The following DUSP14 variants were observed in gnomAD, a reference collection of about 807,000 sequenced individuals.
DUSP14 encodes dual specificity protein phosphatase 14.
Under a neutral mutation model 13.2 loss-of-function variants are expected in DUSP14, and 5 were observed. The observed-to-expected ratio is 0.38, with a 90% CI of 0.20 to 0.80. DUSP14 has a LOEUF of 0.80. DUSP14 is among the 30% of genes least tolerant of loss of function. The pLI, the probability that DUSP14 is intolerant of heterozygous loss-of-function variation, is 0.44. For missense variants in DUSP14, 185 were observed against 264.0 expected, an observed-to-expected ratio of 0.70 and a Z score of 2.07; for synonymous variants, 91 against 103.4, an observed-to-expected ratio of 0.88 and a Z score of 0.73.
At chr17:37,503,771 C>T (rs999317291) in intron 1 of DUSP14, among the ~76,000 whole-genome samples, 6 of 152,120 alleles carry the variant, frequency 3.9e-5, no homozygotes, top group Non-Finnish European at 8.8e-5. Flanking sequence ...GAATTGATCA[C>T]GTGGAACTGA....
At chr17:37,489,865 G>A (rs992165153), upstream of DUSP14, 2 of 147,816 alleles carry the variant, frequency 1.4e-5, no homozygotes, top group East Asian at 4.0e-4. Flanking sequence ...GAGGGAGGAG[G>A]AGGCGGCGCG....
chr17:37,500,387 G>A (rs2054097400), intron 1 of DUSP14, among the ~76,000 whole-genome samples: 1 of 152,194 alleles, frequency 6.6e-6, no homozygotes, highest in African/African-American at 2.4e-5. Context: ...TGTTAGTCCT[G>A]TGAACTTTAT....
Position 37,512,977 on chromosome 17 carries a change from A to G in DUSP14, c.*108A>G. On this transcript the variant is annotated 3_prime_UTR_variant, in exon 3 of 3. Coordinates refer to ENST00000617516, the MANE Select transcript of DUSP14 (RefSeq NM_007026.4). This position sits in a 1 kb window ranked among gnomAD's most constrained non-coding sequence, Gnocchi z 4.8. ...ATGGCTGACTTCTGGTTCTCCCTCA[A>G]GTGTTTTTTACACTGGGTGTTCAAA... 1 of 973,102 alleles carries G rather than the reference A, an allele frequency of 1.0e-6. No individual in the cohort carries two copies. Among genetic ancestry groups the G allele is most frequent in the Non-Finnish European group, 1.6e-6 (1 of 643,684 alleles). 60.3% of individuals were successfully genotyped at this position (973,102 alleles called of 1,614,324 possible).
intron 1 of DUSP14, among the ~76,000 whole-genome samples, chr17:37,499,265 C>G (rs4794754): frequency 6.6e-6 from 1 of 152,044 alleles, no homozygotes; most frequent in Non-Finnish European, 1.5e-5. Flanking sequence ...ATGGGAATTA[C>G]AATTCAAGGT....
chr17:37,489,649 G>T (rs1234120401), upstream of DUSP14, among the ~76,000 whole-genome samples: 2 of 151,966 alleles, frequency 1.3e-5, no homozygotes, highest in African/African-American at 2.4e-5. Flanking sequence ...GAGACCAGGG[G>T]ACCTGCACGG....
chr17:37,488,749 G>A (rs2054005672), upstream of DUSP14, among the ~76,000 whole-genome samples: 1 of 152,144 alleles, frequency 6.6e-6, no homozygotes, highest in Non-Finnish European at 1.5e-5. Context: ...AGCACGCACC[G>A]GATGACTCTG....
intron 2 of DUSP14, among the ~76,000 whole-genome samples, chr17:37,511,103 C>T (rs898254165): frequency 1.3e-5 from 2 of 151,986 alleles, no homozygotes; most frequent in East Asian, 1.9e-4. Context: ...TGGGCTTCAT[C>T]GTGGAGCTCA....
upstream of DUSP14, among the ~76,000 whole-genome samples, chr17:37,488,955 G>A (rs2054006675): frequency 6.6e-6 from 1 of 152,158 alleles, no homozygotes. Context: ...AGCAGGGGCT[G>A]GTGAGTCAAG....
chr17:37,490,223 C>T (rs952189892), intron 1 of DUSP14, among the ~76,000 whole-genome samples: 3 of 151,728 alleles, frequency 2.0e-5, no homozygotes, highest in Non-Finnish European at 2.9e-5. Context: ...GCTCCCCCGC[C>T]GCGCCGCGCC....
At chr17:37,507,447 G>C (rs577270069) in intron 1 of DUSP14, among the ~76,000 whole-genome samples, 17 of 152,224 alleles carry the variant, frequency 1.1e-4, no homozygotes, top group Non-Finnish European at 2.2e-4. Context: ...AGGAAGGCAA[G>C]TGGCTTCCCA....
chr17:37,503,845 A>C (rs1281064836), intron 1 of DUSP14, among the ~76,000 whole-genome samples: 1 of 152,046 alleles, frequency 6.6e-6, no homozygotes, highest in Non-Finnish European at 1.5e-5. Flanking sequence ...TATCTAGTGT[A>C]CTGCCCCTCT....
chr17:37,512,226 ACT>A lies in DUSP14; in HGVS notation c.-44_-43del, dbSNP rs769530433. On this transcript the variant is annotated 5_prime_UTR_variant, in exon 3 of 3. Transcript: ENST00000617516. The surrounding 1 kb of genome is among the most constrained non-coding windows in gnomAD (Gnocchi z 4.8). ...ATTCCTTGGTGGAGGAAAATAAAAC[ACT>A]CTGGTCTTGCCGCCAACGATGCAAG... The A allele has an allele frequency of 1.3e-6, 2 of 1,504,304 alleles. No individual in the cohort carries two copies. The highest frequency in any genetic ancestry group is 1.4e-5 in the African/African-American group (1 of 71,722). 93.2% of individuals were successfully genotyped at this position (1,504,304 alleles called of 1,614,324 possible).
At chr17:37,501,795 G>T (rs2054107067) in intron 1 of DUSP14, among the ~76,000 whole-genome samples, 1 of 152,152 alleles carries the variant, frequency 6.6e-6, no homozygotes, top group South Asian at 2.1e-4. Context: ...GGGATTATAG[G>T]CATGAGCCAC....
chr17:37,497,466 C>G (rs2054073307), intron 1 of DUSP14, among the ~76,000 whole-genome samples: 1 of 151,672 alleles, frequency 6.6e-6, no homozygotes, highest in African/African-American at 2.4e-5. Context: ...TGATGAATGT[C>G]AAAAGGACAT....
upstream of DUSP14, among the ~76,000 whole-genome samples, chr17:37,489,297 C>A (rs1568196869): frequency 1.3e-5 from 2 of 152,064 alleles, no homozygotes; most frequent in Non-Finnish European, 2.9e-5. Flanking sequence ...GGTGGAGATG[C>A]GCACGGAGGT....
At chr17:37,501,877 C>A (rs2143085871) in intron 1 of DUSP14, among the ~76,000 whole-genome samples, 1 of 152,268 alleles carries the variant, frequency 6.6e-6, no homozygotes, top group African/African-American at 2.4e-5. Context: ...ATCTATAAAA[C>A]AACTCCCCAA....
chr17:37,494,239 C>T (rs914436879), intron 1 of DUSP14, among the ~76,000 whole-genome samples: 11 of 152,108 alleles, frequency 7.2e-5, no homozygotes, highest in African/African-American at 1.4e-4. Context: ...GTGATCCGCC[C>T]GCCTCGGCCT....
At chr17:37,511,860 A>G (rs552585198) in intron 2 of DUSP14, among the ~76,000 whole-genome samples, 2 of 145,906 alleles carry the variant, frequency 1.4e-5, no homozygotes, top group African/African-American at 5.0e-5. Context: ...GGCTTAAGCA[A>G]TCCTCCCACC....
chr17:37,511,938 CTTTTTT>C (rs58893696), intron 2 of DUSP14, among the ~76,000 whole-genome samples: 4 of 38,248 alleles, frequency 1.0e-4, no homozygotes, highest in Non-Finnish European at 1.4e-4. Context: ...CCCCACCCCA[CTTTTTT>C]TTTTTTTTTT....
Sources: allele counts gnomAD v4.1 joint callset (sites outside exome capture counted in the v4.1 genomes callset), GRCh38; gene constraint gnomAD v4.1.1; non-coding constraint Gnocchi (gnomAD v3.1); transcripts MANE v1.5; gene names NCBI Gene and HGNC (gene_info 2026-07-23, HGNC 2026-07-21).